PCSK4: variants seen among roughly 807,000 people sequenced by gnomAD.
PCSK4 encodes testicular tissue protein Li 135.
A neutral mutation model predicts 80.3 loss-of-function variants in PCSK4; 64 were observed. The ratio of observed to expected loss-of-function variants is 0.80; its 90% CI spans 0.65 to 0.98. PCSK4 has a LOEUF of 0.98. PCSK4 is among the 50% of genes least tolerant of loss of function. PCSK4 has a pLI of 0.00. For synonymous variants in PCSK4, 561 were observed against 487.6 expected (o/e 1.15, Z -1.98); for missense variants, 1,213 against 1,093.6 (o/e 1.11, Z -1.54).
exon 12 of PCSK4, chr19:1,483,436 C>A (rs2084416986): frequency 6.3e-7 from 1 of 1,598,892 alleles, no homozygotes; most frequent in African/African-American, 1.3e-5. Flanking sequence ...ATACGTTTTC[C>A]CTGATGTAGA....
intron 8 of PCSK4, among the ~76,000 whole-genome samples, chr19:1,486,618 G>A (rs148332279): frequency 6.6e-6 from 1 of 151,740 alleles, no homozygotes; most frequent in Non-Finnish European, 1.5e-5. Flanking sequence ...AGTTTTAGTA[G>A]AGACAGGGTT....
intron 2 of PCSK4, among the ~76,000 whole-genome samples, chr19:1,488,760 T>C (rs2145431084): frequency 6.6e-6 from 1 of 152,084 alleles, no homozygotes; most frequent in African/African-American, 2.4e-5. Context: ...TTTGTACATT[T>C]AGTAGAGATG....
intron 8 of PCSK4, among the ~76,000 whole-genome samples, chr19:1,485,597 C>T: frequency 6.6e-6 from 1 of 151,640 alleles, no homozygotes; most frequent in Non-Finnish European, 1.5e-5. Context: ...AAGTGCTGGG[C>T]ACTGTGGCTC....
Position 1,483,272 on chromosome 19 carries a change from C to T in PCSK4, c.1571+12G>A, listed in dbSNP as rs776981463. 2.6e-6 allele frequency: 4 copies of T among 1,561,182 alleles called. No homozygotes were observed. The highest frequency in any genetic ancestry group is 1.4e-5 in the African/African-American group (1 of 73,782). On this transcript the variant is annotated intron_variant, in intron 12 of 14. Transcript: ENST00000300954. ...GCATGAGGCCGCCCCCTCTCCTCTG[C>T]GGGCCGCTCACCGTATGGCCACGAG...
intron 2 of PCSK4, 145 bp from the exon 3 acceptor site, chr19:1,488,425 T>C (rs1033902788): frequency 1.6e-6 from 1 of 641,936 alleles, no homozygotes; most frequent in Non-Finnish European, 2.7e-6. Flanking sequence ...GGGCTCTGTC[T>C]GCAGTCGGAA....
At chr19:1,482,907 T>C in exon 13 of PCSK4, 1 of 1,445,900 alleles carries the variant, frequency 6.9e-7, no homozygotes, top group Non-Finnish European at 9.5e-7. Context: ...CGTGTTGAAA[T>C]AGTAGCCCTT....
At chr19:1,488,087 G>A (rs375533514) in exon 4 of PCSK4, 31 of 1,612,920 alleles carry the variant, frequency 1.9e-5, no homozygotes, top group East Asian at 6.7e-5. Flanking sequence ...GTTGGGCCTC[G>A]CTGTTCTGCA....
At chr19:1,486,962 A>G in exon 8 of PCSK4, 1 of 1,608,890 alleles carries the variant, frequency 6.2e-7, no homozygotes, top group Non-Finnish European at 8.5e-7. Context: ...GCCCACGGAA[A>G]GCGTGTGGAT....
At chr19:1,486,259 G>A (rs528548266) in intron 8 of PCSK4, among the ~76,000 whole-genome samples, 17 of 147,994 alleles carry the variant, frequency 1.1e-4, no homozygotes, top group Non-Finnish European at 1.8e-4. Context: ...TTACAGGCGC[G>A]AGCCACTGTG....
At position 1,488,072 on chromosome 19, in the gene PCSK4, G is replaced by C. The variant is rs746916812; in HGVS notation, c.408C>G (p.Asp136Glu). ...GACTCCAGGCCTGCAGGATGCTCAG[G>C]TCTGGTTGGGCCTCGCTGTTCTGCA... The change falls in exon 4 of 15, where the codon GAC becomes GAG. Residue 136 changes from aspartate to glutamate, a missense_variant. By Grantham distance (45) the Asp-to-Glu change is conservative. Coordinates refer to ENST00000300954, the Ensembl canonical transcript of PCSK4. 6.8e-6 allele frequency: 11 copies of C among 1,613,220 alleles called. No individual in the cohort carries two copies. The highest frequency in any genetic ancestry group is 4.4e-5 in the South Asian group (4 of 91,086).
In PCSK4 at chr19:1,489,907, T is replaced by G. The variant is rs376723408; in HGVS notation, c.190-10A>C. The stretch of plus-strand genomic sequence containing the variant: ...GCCCGTCAGGGAAGATCTGGGGATG[T>G]GGGGAAGCGGCCGCACCGATGGGAC... On this transcript the variant is annotated splice_polypyrimidine_tract_variant and intron_variant, in intron 1 of 14. Transcript: ENST00000300954. 11 of 1,598,748 alleles carry G rather than the reference T, an allele frequency of 6.9e-6. No individual in the cohort carries two copies. The African/African-American group carries it at 1.2e-4, about 18-fold the overall frequency.
At chr19:1,484,213 C>T in intron 8 of PCSK4, 86 bp from the exon 9 acceptor site, 6 of 766,786 alleles carry the variant, frequency 7.8e-6, no homozygotes, top group African/African-American at 1.7e-5. Context: ...ACTGGGCGGG[C>T]GCAGTGGCTC....
exon 7 of PCSK4, chr19:1,487,174 G>C (rs142753922): frequency 1.9e-6 from 3 of 1,607,304 alleles, no homozygotes; most frequent in Non-Finnish European, 1.7e-6. Flanking sequence ...CCTCGCGGGT[G>C]AGGATGCCGG....
rs1167777358 is a variant in PCSK4 at position 1,482,746 on chromosome 19, G to A, written c.1696+150C>T. The A allele has an allele frequency of 5.3e-5, 45 of 854,094 alleles. 1 individual carries two copies. Among genetic ancestry groups the A allele is most frequent in the Middle Eastern group, 7.0e-4 (2 of 2,860 alleles). The allele number at this position is 854,094 out of a possible 1,614,324, so 52.9% of individuals were successfully genotyped here. ...TGCCTGTCATTGCACACCATCTCCCGGGTGACTGCACGCCTACTGTGTGCA... is the reference window on the plus strand; with the variant it reads ...TGCCTGTCATTGCACACCATCTCCCAGGTGACTGCACGCCTACTGTGTGCA... On this transcript the variant is annotated intron_variant, in intron 13 of 14. Transcript: ENST00000300954.
At chr19:1,482,969 G>A (rs770740353) in exon 13 of PCSK4, 16 of 1,611,460 alleles carry the variant, frequency 9.9e-6, no homozygotes, top group African/African-American at 1.3e-5. Context: ...CCCAGAAGTG[G>A]GTGGACATGA....
chr19:1,488,087 G>T (rs375533514), exon 4 of PCSK4: 3 of 1,612,920 alleles, frequency 1.9e-6, no homozygotes, highest in East Asian at 2.2e-5. Flanking sequence ...GTTGGGCCTC[G>T]CTGTTCTGCA....
At position 1,485,020 on chromosome 19, in the gene PCSK4, C is replaced by A. The variant is rs140298492; in HGVS notation, c.1069-893G>T. On this transcript the variant is annotated intron_variant, in intron 8 of 14. Coordinates refer to ENST00000300954, the Ensembl canonical transcript of PCSK4. ...AGAATTAGCTGGGTGTGGTAGTGTG[C>A]ACCTGTAATCCCAGCTACTCAGGAG... is the stretch of plus-strand genomic sequence containing the variant. Among the ~76,000 whole-genome samples, 196 of 151,588 alleles carry A rather than the reference C, an allele frequency of 1.3e-3. 1 individual carries two copies. Among genetic ancestry groups the A allele is most frequent in the African/African-American group, 4.4e-3 (180 of 41,286 alleles).
chr19:1,482,413 T>C, exon 14 of PCSK4: 2 of 1,606,530 alleles, frequency 1.2e-6, no homozygotes, highest in Non-Finnish European at 1.7e-6. Flanking sequence ...TGGGGGCCTG[T>C]AGGCCGCGCT....
chr19:1,488,390 G>T, intron 2 of PCSK4, 110 bp from the exon 3 acceptor site: 2 of 772,888 alleles, frequency 2.6e-6, no homozygotes, highest in Non-Finnish European at 4.3e-6. Flanking sequence ...TGTGGGGGTT[G>T]CTCTCCAGGG....
Sources: allele counts gnomAD v4.1 joint callset (sites outside exome capture counted in the v4.1 genomes callset), GRCh38; gene constraint gnomAD v4.1.1; transcripts MANE v1.5; gene names NCBI Gene and HGNC (gene_info 2026-07-23, HGNC 2026-07-21).